The following PRIM2 variants were observed in gnomAD, a reference collection of about 807,000 sequenced individuals.
PRIM2 encodes the protein DNA primase large subunit.
A neutral mutation model predicts 67.3 loss-of-function variants in PRIM2; 39 were observed. The ratio of observed to expected loss-of-function variants is 0.58; its 90% confidence interval spans 0.45 to 0.76. The LOEUF (loss-of-function observed/expected upper bound fraction) is 0.76, where lower values mean the gene tolerates loss of function less well. PRIM2 is among the 30% of genes least tolerant of loss of function. The pLI, the probability that PRIM2 is intolerant of heterozygous loss-of-function variation, is 0.00. For missense variants in PRIM2, 398 were observed against 598.7 expected (o/e 0.66, Z 3.50); for synonymous variants, 143 against 198.7 (o/e 0.72, Z 2.36).
intron 7 of PRIM2, among the ~76,000 whole-genome samples, chr6:57,496,497 ATAG>A (rs1272477227): frequency 1.7e-4 from 26 of 152,336 alleles, no homozygotes; most frequent in Middle Eastern, 3.4e-3. Context: ...TCCAGTGTAC[ATAG>A]TAGAATTTAT....
chr6:57,265,654 G>A, the PRIM2 span, among the ~76,000 whole-genome samples: 1 of 152,176 alleles, frequency 6.6e-6, no homozygotes, highest in African/African-American at 2.4e-5. Flanking sequence ...TTATCCTATA[G>A]ATAGCCCAGA....
intron 10 of PRIM2, among the ~76,000 whole-genome samples, chr6:57,580,442 T>C (rs1464372959): frequency 1.3e-5 from 2 of 152,212 alleles, no homozygotes; most frequent in Admixed American, 6.5e-5. Context: ...GGGTTTTGTA[T>C]GACATGGGAA....
chr6:57,602,059 G>A (rs1318218781), intron 11 of PRIM2, among the ~76,000 whole-genome samples: 15 of 121,916 alleles, frequency 1.2e-4, no homozygotes, highest in African/African-American at 5.3e-4. Context: ...TATAAACATA[G>A]ATTTTTTTTT....
At chr6:57,300,930 AT>A in the PRIM2 span, among the ~76,000 whole-genome samples, 1 of 152,182 alleles carries the variant, frequency 6.6e-6, no homozygotes, top group African/African-American at 2.4e-5. Context: ...AGAGAAGGAG[AT>A]TTTGGAGAAA....
At chr6:57,452,857 GCC>G (rs1772605240) in intron 7 of PRIM2, among the ~76,000 whole-genome samples, 1 of 152,142 alleles carries the variant, frequency 6.6e-6, no homozygotes, top group South Asian at 2.1e-4. Flanking sequence ...TGAAGTCCTT[GCC>G]CTTACCTATG....
chr6:57,567,992 G>A (rs1775782178), intron 10 of PRIM2, among the ~76,000 whole-genome samples: 1 of 151,936 alleles, frequency 6.6e-6, no homozygotes, highest in African/African-American at 2.4e-5. Context: ...TTTGTTCATA[G>A]GCATTTCTTC....
chr6:57,221,724 A>G, the PRIM2 span: 34 of 152,162 alleles, frequency 2.2e-4, no homozygotes, highest in African/African-American at 7.0e-4. Context: ...CCAGGTACCC[A>G]CCGCTGGGAG....
chr6:57,431,647 TA>T lies in PRIM2; in HGVS notation c.693+49490del, dbSNP rs375204842. Among the ~76,000 whole-genome samples the T allele has an allele frequency of 4.7e-3, 698 of 147,776 alleles. 7 individuals carry two copies. Among genetic ancestry groups the T allele is most frequent in the East Asian group, 0.016 (84 of 5,102 alleles). ...GTTCGACAGAGAAAGACCCTGCCTTTAAAAAAAAAAATGTGATTTGTTTTGT... is the reference window on the plus strand; with the variant it reads ...GTTCGACAGAGAAAGACCCTGCCTTTAAAAAAAAAATGTGATTTGTTTTGT... On this transcript the variant is annotated intron_variant, in intron 7 of 13. Transcript: ENST00000615550.
the PRIM2 span, among the ~76,000 whole-genome samples, chr6:57,279,934 G>C: frequency 6.6e-6 from 1 of 152,130 alleles, no homozygotes; most frequent in South Asian, 2.1e-4. Context: ...CCAGACTGAA[G>C]ACACCCTATA....
At chr6:57,604,410 CAAAG>C (rs1300941592) in intron 11 of PRIM2, among the ~76,000 whole-genome samples, 1 of 152,152 alleles carries the variant, frequency 6.6e-6, no homozygotes, top group Admixed American at 6.5e-5. Flanking sequence ...ATATCATCAG[CAAAG>C]AAAGATAGTT....
At chr6:57,309,510 T>C in the PRIM2 span, among the ~76,000 whole-genome samples, 1 of 152,132 alleles carries the variant, frequency 6.6e-6, no homozygotes, top group African/African-American at 2.4e-5. Context: ...ATGGTGTATA[T>C]GTGCCACATT....
chr6:57,497,946 G>A (rs1394480277), intron 7 of PRIM2, among the ~76,000 whole-genome samples: 2 of 152,100 alleles, frequency 1.3e-5, no homozygotes, highest in South Asian at 2.1e-4. Flanking sequence ...TCACAGTTTG[G>A]GGTTTGTAAT....
chr6:57,298,188 C>T, the PRIM2 span, among the ~76,000 whole-genome samples: 10 of 152,132 alleles, frequency 6.6e-5, no homozygotes, highest in South Asian at 1.0e-3. Flanking sequence ...GGCGAAACCC[C>T]GTCTCTACTA....
chr6:57,267,274 A>T, the PRIM2 span, among the ~76,000 whole-genome samples: 1 of 152,278 alleles, frequency 6.6e-6, no homozygotes, highest in African/African-American at 2.4e-5. Flanking sequence ...GGTATTCATT[A>T]TCTACTGTGA....
In PRIM2 at chr6:57,356,075, T is replaced by C. The variant is rs376359261; in HGVS notation, c.460-23826T>C. Reference sequence around the variant, plus strand: ...TAGACATATGAATCCTGCTTTGACCTGCATCAAGATCAAGGGTAGTAGGAT... The same window carrying C: ...TAGACATATGAATCCTGCTTTGACCCGCATCAAGATCAAGGGTAGTAGGAT... On this transcript the variant is annotated intron_variant, in intron 5 of 13. Transcript: ENST00000615550. 3.5e-3 allele frequency among the ~76,000 whole-genome samples: 538 copies of C among 152,302 alleles called. 1 individual carries two copies. Among genetic ancestry groups the C allele is most frequent in the Middle Eastern group, 0.01 (3 of 294 alleles).
intron 10 of PRIM2, among the ~76,000 whole-genome samples, chr6:57,546,076 G>A (rs1775285148): frequency 6.6e-6 from 1 of 152,184 alleles, no homozygotes. Flanking sequence ...TCAAATATGT[G>A]TAGTTTCACA....
the PRIM2 span, among the ~76,000 whole-genome samples, chr6:57,275,444 G>A: frequency 3.3e-5 from 5 of 152,144 alleles, no homozygotes; most frequent in Non-Finnish European, 7.3e-5. Flanking sequence ...AGCCAAGATC[G>A]TGCCATTGCA....
chr6:57,508,159 A>G (rs1774287893), intron 8 of PRIM2, among the ~76,000 whole-genome samples: 1 of 151,726 alleles, frequency 6.6e-6, no homozygotes, highest in Non-Finnish European at 1.5e-5. Context: ...CTGGTCTCGA[A>G]CTCCTGACCT....
intron 9 of PRIM2, among the ~76,000 whole-genome samples, chr6:57,533,604 AACAGTCC>A (rs1216306283): frequency 3.3e-5 from 5 of 152,214 alleles, no homozygotes; most frequent in African/African-American, 9.6e-5. Context: ...ACTTATCTCT[AACAGTCC>A]ACTTTCTCAC....
Sources: gnomAD v4.1 joint callset for allele counts (sites outside exome capture counted in the v4.1 genomes callset) on GRCh38, gnomAD v4.1.1 for gene constraint, MANE v1.5 for transcripts, NCBI Gene and HGNC (gene_info 2026-07-23, HGNC 2026-07-21) for gene names.